CLDN10: variants seen among roughly 807,000 people sequenced by gnomAD.
The protein encoded by CLDN10 is claudin-10.
In CLDN10, 15 loss-of-function variants were observed where a neutral mutation model predicts 22.9. The ratio of observed to expected loss-of-function variants is 0.65; its 90% CI spans 0.44 to 1.01. The LOEUF (loss-of-function observed/expected upper bound fraction) is 1.01, where lower values mean the gene tolerates loss of function less well. Among genes scored for constraint, CLDN10 ranks in the 50% least tolerant of loss-of-function variants. CLDN10 has a pLI of 0.00. For missense variants in CLDN10, 247 were observed against 287.8 expected, an observed-to-expected ratio of 0.86 and a Z score of 1.03; for synonymous variants, 114 against 111.4, an observed-to-expected ratio of 1.02 and a Z score of -0.15.
intron 1 of CLDN10, among the ~76,000 whole-genome samples, chr13:95,476,572 C>A (rs1208100789): frequency 1.3e-5 from 2 of 152,148 alleles, no homozygotes; most frequent in African/African-American, 4.8e-5. Flanking sequence ...TTTGGAGGGA[C>A]ACAGATATTC....
intron 1 of CLDN10, among the ~76,000 whole-genome samples, chr13:95,547,271 T>A (rs535606482): frequency 6.6e-6 from 1 of 152,130 alleles, no homozygotes; most frequent in Non-Finnish European, 1.5e-5. Context: ...CCCGGGACTA[T>A]CCTCTGCTCT....
chr13:95,524,841 TTTTTA>T (rs2043262634), intron 1 of CLDN10, among the ~76,000 whole-genome samples: 1 of 150,314 alleles, frequency 6.7e-6, no homozygotes, highest in Non-Finnish European at 1.5e-5. Flanking sequence ...ACTCTTTTAT[TTTTTA>T]TTTTATTTAT....
At chr13:95,519,832 T>C (rs1206917304) in intron 1 of CLDN10, among the ~76,000 whole-genome samples, 1 of 152,034 alleles carries the variant, frequency 6.6e-6, no homozygotes, top group African/African-American at 2.4e-5. Context: ...TGGGTCTAGG[T>C]AAAGAGGAAA....
intron 1 of CLDN10, among the ~76,000 whole-genome samples, chr13:95,476,118 C>T (rs566518970): frequency 1.3e-5 from 2 of 152,198 alleles, no homozygotes; most frequent in South Asian, 2.1e-4. Flanking sequence ...ATGATAAACT[C>T]GATTTTGAAT....
At chr13:95,457,580 C>T (rs1330119794) in intron 1 of CLDN10, among the ~76,000 whole-genome samples, 1 of 152,070 alleles carries the variant, frequency 6.6e-6, no homozygotes, top group African/African-American at 2.4e-5. Flanking sequence ...GTTTCCTACT[C>T]GAGTTTCAGA....
At chr13:95,451,520 TC>T (rs1273522439) in intron 1 of CLDN10, among the ~76,000 whole-genome samples, 2 of 152,140 alleles carry the variant, frequency 1.3e-5, no homozygotes, top group East Asian at 3.9e-4. Context: ...AGCCTCCAAC[TC>T]CTGGGCTCAA....
intron 1 of CLDN10, among the ~76,000 whole-genome samples, chr13:95,558,899 T>C (rs2043670982): frequency 6.6e-6 from 1 of 152,104 alleles, no homozygotes; most frequent in African/African-American, 2.4e-5. Flanking sequence ...CCCTCCAGCC[T>C]GGGTGGCAAA....
intron 1 of CLDN10, among the ~76,000 whole-genome samples, chr13:95,526,956 AC>A (rs2092946575): frequency 6.6e-6 from 1 of 152,126 alleles, no homozygotes; most frequent in African/African-American, 2.4e-5. Flanking sequence ...AATTTCATCC[AC>A]CCCAGAGAGT....
chr13:95,532,577 G>A (rs1361775579), intron 1 of CLDN10, among the ~76,000 whole-genome samples: 1 of 151,942 alleles, frequency 6.6e-6, no homozygotes, highest in African/African-American at 2.4e-5. Context: ...GAAAAATGGT[G>A]AGGTAATTTC....
At chr13:95,440,399 G>C (rs1237768709) in intron 1 of CLDN10, among the ~76,000 whole-genome samples, 1 of 152,208 alleles carries the variant, frequency 6.6e-6, no homozygotes, top group Non-Finnish European at 1.5e-5. Context: ...ACAGAGACTG[G>C]GAGTAGTGGC....
chr13:95,499,267 C>T (rs543493311), intron 1 of CLDN10, among the ~76,000 whole-genome samples: 16 of 152,142 alleles, frequency 1.1e-4, no homozygotes, highest in African/African-American at 3.6e-4. Context: ...ACTGGCCAGG[C>T]GCAGTGGCTT....
At chr13:95,471,368 G>C (rs2042629373) in intron 1 of CLDN10, among the ~76,000 whole-genome samples, 1 of 147,646 alleles carries the variant, frequency 6.8e-6, no homozygotes, top group Non-Finnish European at 1.5e-5. Flanking sequence ...ATGTGTGTGT[G>C]TGTGTATATA....
chr13:95,539,721 T>A (rs2043439458), intron 1 of CLDN10, among the ~76,000 whole-genome samples: 2 of 152,242 alleles, frequency 1.3e-5, no homozygotes, highest in South Asian at 2.1e-4. Context: ...TCCTTTTTTT[T>A]AGAAAAACTG....
chr13:95,547,919 A>T (rs1215268968), upstream of CLDN10, among the ~76,000 whole-genome samples: 5 of 152,222 alleles, frequency 3.3e-5, no homozygotes, highest in African/African-American at 1.2e-4. Context: ...AACAGTAAAG[A>T]CACCAAAGGA....
intron 1 of CLDN10, among the ~76,000 whole-genome samples, chr13:95,439,294 C>T (rs1320134433): frequency 5.9e-5 from 9 of 151,902 alleles, no homozygotes; most frequent in Admixed American, 1.3e-4. Context: ...TCACTGCATC[C>T]TCACATGGTG....
At chr13:95,548,538 CTG>C (rs767931162), upstream of CLDN10, among the ~76,000 whole-genome samples, 71 of 152,260 alleles carry the variant, frequency 4.7e-4, no homozygotes, top group Non-Finnish European at 7.9e-4. Context: ...GTGAGAATAA[CTG>C]TTCATTCTGT....
At chr13:95,457,024 T>G (rs781106785) in intron 1 of CLDN10, among the ~76,000 whole-genome samples, 82 of 152,138 alleles carry the variant, frequency 5.4e-4, no homozygotes, top group Non-Finnish European at 1.1e-3. Context: ...AAACTCATCA[T>G]GTTCCTCTGC....
Position 95,577,905 on chromosome 13 carries a change from C to T in CLDN10, c.578C>T (p.Thr193Ile). The T allele has an allele frequency of 6.2e-7, 1 of 1,608,662 alleles. No individual in the cohort carries two copies. Among genetic ancestry groups the T allele is most frequent in the Non-Finnish European group, 8.5e-7 (1 of 1,175,556 alleles). ...AACTATGTTTTACCTTTCAGATACACATACAACGGGGCCACATCTGTCATG... is the reference window on the plus strand; with the variant it reads ...AACTATGTTTTACCTTTCAGATACATATACAACGGGGCCACATCTGTCATG... ...ISDNNKTPRY[T>I]YNGATSVMSS... Residue 193 changes from threonine to isoleucine, a missense_variant, in exon 5 of 5, where the codon ACA becomes ATA. Physicochemically the swap from Thr to Ile is moderately conservative, Grantham distance 89. Coordinates refer to ENST00000299339, the MANE Select transcript of CLDN10 (RefSeq NM_006984.5).
chr13:95,571,111 AT>A (rs1215948502), intron 3 of CLDN10, among the ~76,000 whole-genome samples: 1 of 151,954 alleles, frequency 6.6e-6, no homozygotes, highest in African/African-American at 2.4e-5. Flanking sequence ...AAACATGTTC[AT>A]TTTAGAAAAT....
Sources: gnomAD v4.1 joint callset for allele counts (sites outside exome capture counted in the v4.1 genomes callset) on GRCh38, gnomAD v4.1.1 for gene constraint, MANE v1.5 for transcripts, NCBI Gene and HGNC (gene_info 2026-07-23, HGNC 2026-07-21) for gene names.